Variants in BICDL1 observed in about 807,000 individuals in gnomAD.
BICDL1 encodes BICD family-like cargo adapter 1.
BICDL1 carries 20 observed loss-of-function variants against 76.8 expected under a neutral mutation model. The observed-to-expected ratio is 0.26, with a 90% CI of 0.18 to 0.38. BICDL1 has a LOEUF of 0.38. BICDL1 is among the 10% of genes least tolerant of loss of function. The pLI is 1.00. For synonymous variants in BICDL1, 383 were observed against 337.1 expected (o/e 1.14, Z -1.49); for missense variants, 700 against 798.6 (o/e 0.88, Z 1.49).
At chr12:120,001,900 T>G (rs1951766874) in intron 2 of BICDL1, among the ~76,000 whole-genome samples, 2 of 152,094 alleles carry the variant, frequency 1.3e-5, no homozygotes, top group Non-Finnish European at 2.9e-5. Context: ...AAAAATGTTT[T>G]TAAATTCTCC....
At chr12:120,029,976 A>G (rs1250063567) in intron 2 of BICDL1, among the ~76,000 whole-genome samples, 1 of 152,168 alleles carries the variant, frequency 6.6e-6, no homozygotes, top group Non-Finnish European at 1.5e-5. Flanking sequence ...GCTAATACCC[A>G]TCAACCTTCT....
chr12:120,047,375 A>G (rs1267994704), intron 2 of BICDL1, among the ~76,000 whole-genome samples: 2 of 152,206 alleles, frequency 1.3e-5, no homozygotes, highest in Non-Finnish European at 2.9e-5. Context: ...TGGGAGTCAG[A>G]AGCTAACAAG....
intron 2 of BICDL1, among the ~76,000 whole-genome samples, chr12:120,059,517 G>A (rs892912025): frequency 2.6e-5 from 4 of 151,488 alleles, no homozygotes; most frequent in South Asian, 2.1e-4. Context: ...CTTGTGATCC[G>A]CCCACCTCGG....
chr12:120,068,115 C>A (rs1303906316), intron 4 of BICDL1, among the ~76,000 whole-genome samples: 1 of 152,198 alleles, frequency 6.6e-6, no homozygotes, highest in African/African-American at 2.4e-5. Flanking sequence ...CAGCTTTCTC[C>A]CTTCATGAGA....
chr12:120,093,284 T>C lies in BICDL1; in HGVS notation c.*123T>C. The C allele has an allele frequency of 1.7e-6, 2 of 1,180,162 alleles. No individual in the cohort carries two copies. The highest frequency in any genetic ancestry group is 2.4e-6 in the Non-Finnish European group (2 of 831,430). 73.1% of individuals were successfully genotyped at this position (1,180,162 alleles called of 1,614,324 possible). A position where few individuals can be genotyped will look rare whatever the true frequency, so the allele number is the denominator to read the frequency against. On this transcript the variant is annotated 3_prime_UTR_variant, in exon 10 of 10. Transcript: ENST00000548673. ...CCCTGCCCCTCATGCTAGGGCCCCA[T>C]GGGTCCGGGAGGGCCTGCTCCCTTT...
At chr12:120,065,380 C>T (rs1953198355) in intron 4 of BICDL1, among the ~76,000 whole-genome samples, 1 of 152,196 alleles carries the variant, frequency 6.6e-6, no homozygotes, top group Non-Finnish European at 1.5e-5. Context: ...AAGGCATAGA[C>T]TGACCCCTTT....
At chr12:120,061,490 A>G (rs1456210352) in intron 2 of BICDL1, among the ~76,000 whole-genome samples, 1 of 135,592 alleles carries the variant, frequency 7.4e-6, no homozygotes, top group South Asian at 2.4e-4. Context: ...TGATCAGTAG[A>G]GTGGTCTTGC....
rs1005201135 is a variant in BICDL1, at chr12:120,027,028, T to C, written c.645+28292T>C. On this transcript the variant is annotated intron_variant, in intron 2 of 9. Transcript: ENST00000548673. ...AGAACGAGAATAATGATGTAATTTC[T>C]TTTTTTTTTTTTTTTTTTTTGAGAT... Among the ~76,000 whole-genome samples, 390 of 62,548 alleles carry C rather than the reference T, an allele frequency of 6.2e-3. 11 individuals carry two copies. In the South Asian group the frequency reaches 0.086, roughly 14 times the overall value. 41.0% of individuals were successfully genotyped at this position (62,548 alleles called of 152,430 possible).
intron 2 of BICDL1, among the ~76,000 whole-genome samples, chr12:120,039,757 G>T (rs545343671): frequency 6.6e-6 from 1 of 152,202 alleles, no homozygotes; most frequent in South Asian, 2.1e-4. Context: ...ACAGATTCTG[G>T]CCTGGAGGAG....
intron 2 of BICDL1, among the ~76,000 whole-genome samples, chr12:120,040,097 T>C (rs1952607699): frequency 6.6e-6 from 1 of 152,156 alleles, no homozygotes; most frequent in African/African-American, 2.4e-5. Context: ...TCTTTTTCTT[T>C]TCTTTTCTTT....
intron 1 of BICDL1, among the ~76,000 whole-genome samples, chr12:119,997,399 G>T (rs770191487): frequency 6.6e-6 from 1 of 152,118 alleles, no homozygotes; most frequent in Non-Finnish European, 1.5e-5. Context: ...TACAGGCAAG[G>T]ACCATGTCTG....
At chr12:119,997,622 TAGAC>T (rs1055300699) in intron 1 of BICDL1, among the ~76,000 whole-genome samples, 43 of 152,308 alleles carry the variant, frequency 2.8e-4, no homozygotes, top group Admixed American at 5.2e-4. Context: ...TCAACTGACT[TAGAC>T]AGTCCCCGCT....
At chr12:120,064,423 TG>T (rs1953175366) in intron 3 of BICDL1, among the ~76,000 whole-genome samples, 1 of 151,590 alleles carries the variant, frequency 6.6e-6, no homozygotes, top group South Asian at 2.1e-4. Context: ...GCAGGCAAGG[TG>T]GAGCCCTTTT....
rs932102896 is a variant in BICDL1, at chr12:120,071,245, C to T, written c.910-377C>T. On this transcript the variant is annotated intron_variant, in intron 4 of 9. Transcript: ENST00000548673. The surrounding 1 kb of genome is among the most constrained non-coding windows in gnomAD (Gnocchi z 4.8). ...GCAACGTCCGCCTCCTGGGTTCAAG[C>T]GATTCTCCTGCCTCATTCCCCAAGT... is the stretch of plus-strand genomic sequence containing the variant. Among the ~76,000 whole-genome samples the T allele has an allele frequency of 9.9e-5, 15 of 151,690 alleles. No individual in the cohort carries two copies. Among genetic ancestry groups the T allele is most frequent in the Non-Finnish European group, 1.8e-4 (12 of 67,950 alleles).
intron 1 of BICDL1, chr12:119,993,161 C>G (rs1446659103): frequency 6.7e-6 from 1 of 149,900 alleles, no homozygotes; most frequent in Non-Finnish European, 1.5e-5. Context: ...GACGGGGTTT[C>G]ACCATGTTAG....
chr12:120,016,829 C>A, intron 2 of BICDL1, among the ~76,000 whole-genome samples: 1 of 142,306 alleles, frequency 7.0e-6, no homozygotes, highest in African/African-American at 2.8e-5. Context: ...AAGAGGACTC[C>A]TTTTTAGTAT....
At chr12:119,994,707 C>T (rs369303807) in intron 1 of BICDL1, among the ~76,000 whole-genome samples, 1 of 152,148 alleles carries the variant, frequency 6.6e-6, no homozygotes, top group Admixed American at 6.5e-5. Context: ...TCAGGCTGGT[C>T]TTAAACTCCT....
chr12:120,011,121 ATCTTCC>A (rs1188075033), intron 2 of BICDL1, among the ~76,000 whole-genome samples: 2 of 152,190 alleles, frequency 1.3e-5, no homozygotes, highest in African/African-American at 4.8e-5. Flanking sequence ...TCCTCCAGCC[ATCTTCC>A]ATCTTGTGAC....
intron 7 of BICDL1, among the ~76,000 whole-genome samples, chr12:120,078,722 G>A (rs189108590): frequency 3.3e-5 from 5 of 152,326 alleles, no homozygotes; most frequent in East Asian, 1.9e-4. Context: ...GCTGTAACTC[G>A]ACCAGGTTTT....
Sources: allele counts gnomAD v4.1 joint callset (sites outside exome capture counted in the v4.1 genomes callset), GRCh38; gene constraint gnomAD v4.1.1; non-coding constraint Gnocchi (gnomAD v3.1); transcripts MANE v1.5; gene names NCBI Gene and HGNC (gene_info 2026-07-23, HGNC 2026-07-21).